The following AGPAT2 variants were observed in gnomAD, a reference collection of about 807,000 sequenced individuals.
AGPAT2 encodes the protein 1-acyl-sn-glycerol-3-phosphate acyltransferase beta.
In AGPAT2, 18 loss-of-function variants were observed where a neutral mutation model predicts 26.1. That is an observed-to-expected ratio of 0.69 (90% confidence interval 0.48 to 1.02). The LOEUF is 1.02. Among genes scored for constraint, AGPAT2 ranks in the 50% least tolerant of loss-of-function variants. The pLI, the probability that AGPAT2 is intolerant of heterozygous loss-of-function variation, is 0.00. For missense variants in AGPAT2, 415 were observed against 394.9 expected (o/e 1.05, Z -0.43); for synonymous variants, 200 against 174.2 (o/e 1.15, Z -1.16).
intron 1 of AGPAT2, among the ~76,000 whole-genome samples, chr9:136,680,699 T>C (rs925263380): frequency 2.6e-5 from 4 of 151,702 alleles, no homozygotes; most frequent in African/African-American, 9.7e-5. Flanking sequence ...TGAGACGGAG[T>C]CTTGCTGTCA....
intron 1 of AGPAT2, among the ~76,000 whole-genome samples, chr9:136,683,459 G>A (rs973145275): frequency 1.2e-4 from 19 of 152,180 alleles, no homozygotes; most frequent in African/African-American, 4.1e-4. Flanking sequence ...CTTCAGCTGC[G>A]TGAGCTCATT....
chr9:136,687,448 C>CGGCGG lies in AGPAT2; in HGVS notation c.-96_-92dup. 1 of 1,157,854 alleles carries CGGCGG rather than the reference C, an allele frequency of 8.6e-7. No individual in the cohort carries two copies. The highest frequency in any genetic ancestry group is 1.1e-6 in the Non-Finnish European group (1 of 897,238). 71.7% of individuals were successfully genotyped at this position (1,157,854 alleles called of 1,614,324 possible). On this transcript the variant is annotated 5_prime_UTR_variant, in exon 1 of 6. Transcript: ENST00000371696. ...GCGCTCAGGCCCCTTATTGCGAGGG[C>CGGCGG]GGCGGGGCTGGGCGGGGCGGGGCGC...
At position 136,677,409 on chromosome 9, in the gene AGPAT2, G is replaced by A; in HGVS notation, c.316+14C>T. On this transcript the variant is annotated intron_variant, in intron 2 of 5. Coordinates refer to ENST00000371696, the MANE Select transcript of AGPAT2 (RefSeq NM_006412.4). ...CACTCAAACCCCAGAAGCCACCCCC[G>A]AGGCCCGGCCTACCCATCATGTCCA... 6 of 1,613,096 alleles carry A rather than the reference G, an allele frequency of 3.7e-6. No homozygotes were observed. The highest frequency in any genetic ancestry group is 2.2e-5 in the South Asian group (2 of 91,076).
At chr9:136,678,633 G>A (rs2119188809) in intron 1 of AGPAT2, among the ~76,000 whole-genome samples, 1 of 152,274 alleles carries the variant, frequency 6.6e-6, no homozygotes, top group Middle Eastern at 3.4e-3. Flanking sequence ...AGTCCTAAGG[G>A]CCCCACACTT....
intron 3 of AGPAT2, 137 bp downstream of exon 3, chr9:136,676,824 G>T: frequency 7.9e-7 from 1 of 1,269,820 alleles, no homozygotes; most frequent in Non-Finnish European, 1.1e-6. Context: ...TAGGGGTCTG[G>T]CGTGGGACCC....
At chr9:136,676,205 C>A (rs1228663694) in intron 4 of AGPAT2, among the ~76,000 whole-genome samples, 1 of 152,170 alleles carries the variant, frequency 6.6e-6, no homozygotes, top group Non-Finnish European at 1.5e-5. Context: ...TTGTCCAGAC[C>A]CACTGCCCAT....
chr9:136,686,696 G>A (rs1846225595), intron 1 of AGPAT2, among the ~76,000 whole-genome samples: 1 of 152,178 alleles, frequency 6.6e-6, no homozygotes, highest in South Asian at 2.1e-4. Flanking sequence ...ATCACCGGGC[G>A]GACAGTCAGG....
intron 1 of AGPAT2, among the ~76,000 whole-genome samples, chr9:136,686,089 G>C (rs1460349970): frequency 6.6e-6 from 1 of 152,212 alleles, no homozygotes; most frequent in Non-Finnish European, 1.5e-5. Flanking sequence ...ATCAGGCCCA[G>C]GGTCCTCCTT....
intron 1 of AGPAT2, among the ~76,000 whole-genome samples, chr9:136,680,373 C>T (rs1001755560): frequency 3.9e-5 from 6 of 152,046 alleles, no homozygotes; most frequent in Non-Finnish European, 8.8e-5. Flanking sequence ...ATTACAGGTG[C>T]CTGCCACCAG....
rs1588270223 is a variant in AGPAT2 at position 136,687,313 on chromosome 9, C to T, written c.45G>A (p.Leu15=). ...CCGCGCGGCTCAGCTGCACCAGCAGCAGCAGCAACAGCAGCGCCGCGGCCA... is the reference window on the plus strand; with the variant it reads ...CCGCGCGGCTCAGCTGCACCAGCAGTAGCAGCAACAGCAGCGCCGCGGCCA... ...PCLAAALLLL[L]LLVQLSRAAE... The change falls in exon 1 of 6, where the codon CTG becomes CTA. Residue 15 remains leucine, a synonymous_variant. Coordinates refer to ENST00000371696, the MANE Select transcript of AGPAT2 (RefSeq NM_006412.4). 6.4e-7 allele frequency: 1 copy of T among 1,572,566 alleles called. No individual in the cohort carries two copies. The highest frequency in any genetic ancestry group is 8.6e-7 in the Non-Finnish European group (1 of 1,165,668).
Position 136,673,867 on chromosome 9 carries a change from A to ACGTCCGCCGCAGTGAGGC in AGPAT2, c.704_721dup (p.Gly235_Asp240dup). 6.2e-7 allele frequency: 1 copy of ACGTCCGCCGCAGTGAGGC among 1,604,470 alleles called. No individual in the cohort carries two copies. The highest frequency in any genetic ancestry group is 8.5e-7 in the Non-Finnish European group (1 of 1,177,144). On this transcript the variant is annotated inframe_insertion, in exon 6 of 6. Coordinates refer to ENST00000371696, the MANE Select transcript of AGPAT2 (RefSeq NM_006412.4). ...GTGGCAGGTGTCCACGAGCGCAGGG[A>ACGTCCGCCGCAGTGAGGC]CGTCCGCCGCAGTGAGGCCGCTGGT...
At position 136,673,828 on chromosome 9, in the gene AGPAT2, G is replaced by A. The variant is rs147616533; in HGVS notation, c.761C>T (p.Thr254Ile). Residue 254 changes from threonine (T) to isoleucine (I), a missense_variant, in exon 6 of 6, where the codon ACC (threonine) becomes ATC (isoleucine). Thr to Ile is a moderately conservative substitution (Grantham distance 89). Transcript: ENST00000371696. ...GGTCTTGGAGATGTGGAGGAAGGTG[G>A]TCCTCATGGCCCGGTGGCAGGTGTC... Reference protein sequence around the residue: ...LVDTCHRAMRTTFLHISKTPQ... With the variant: ...LVDTCHRAMRITFLHISKTPQ... 9.9e-5 allele frequency: 159 copies of A among 1,606,820 alleles called. No homozygotes were observed. In the African/African-American group the frequency reaches 1.9e-3, roughly 20 times the overall value.
intron 1 of AGPAT2, among the ~76,000 whole-genome samples, chr9:136,681,218 C>T (rs773760126): frequency 1.3e-5 from 2 of 151,932 alleles, no homozygotes; most frequent in South Asian, 2.1e-4. Context: ...GCTGAGCAGG[C>T]GCTGTGTCCC....
Position 136,673,452 on chromosome 9 carries a change from C to T in AGPAT2, c.*300G>A, listed in dbSNP as rs1846036380. On this transcript the variant is annotated 3_prime_UTR_variant, in exon 6 of 6. Transcript: ENST00000371696. ...CTGGGCCATCGGGGGCCTTGTGGCT[C>T]AGCCCACCAGCGGGCCACAGCCGCA... The T allele has an allele frequency of 3.4e-6, 1 of 290,922 alleles. No individual in the cohort carries two copies. The highest frequency in any genetic ancestry group is 5.8e-5 in the East Asian group (1 of 17,280). The allele number at this position is 290,922 out of a possible 1,614,324, so 18.0% of individuals were successfully genotyped here.
At chr9:136,685,126 G>T (rs1026072299) in intron 1 of AGPAT2, among the ~76,000 whole-genome samples, 1 of 152,216 alleles carries the variant, frequency 6.6e-6, no homozygotes, top group African/African-American at 2.4e-5. Flanking sequence ...AGACTGCCCT[G>T]CCCTCTGGCC....
chr9:136,673,907 G>C lies in AGPAT2; in HGVS notation c.682C>G (p.Leu228Val). The change falls in exon 6 of 6, where the codon CTG becomes GTG. Residue 228 changes from leucine to valine, a missense_variant. Transcript: ENST00000371696. ...AGGCCGCTGGTGGGGATGGCTTCCA[G>C]CACCTGCACTGTGACTGTTCCTGTG... ...FTSGTVTVQV[L>V]EAIPTSGLTA... is the part of the protein sequence containing the mutation. The C allele has an allele frequency of 1.9e-6, 3 of 1,589,280 alleles. No individual in the cohort carries two copies. The highest frequency in any genetic ancestry group is 2.6e-6 in the Non-Finnish European group (3 of 1,168,404).
Position 136,687,403 on chromosome 9 carries a change from C to A in AGPAT2, c.-46G>T. 1 of 1,393,452 alleles carries A rather than the reference C, an allele frequency of 7.2e-7. No individual in the cohort carries two copies. The highest frequency in any genetic ancestry group is 9.3e-7 in the Non-Finnish European group (1 of 1,078,806). The allele number at this position is 1,393,452 out of a possible 1,614,324, so 86.3% of individuals were successfully genotyped here. A position where few individuals can be genotyped will look rare whatever the true frequency, so the allele number is the denominator to read the frequency against. On this transcript the variant is annotated 5_prime_UTR_variant, in exon 1 of 6. Transcript: ENST00000371696. ...GGCGCCGCCAGCTCGCTCCCGCTCC[C>A]GCTCCCGCTTCTCCCCCGCGCGCTC...
At chr9:136,674,498 C>A (rs532841763) in intron 5 of AGPAT2, among the ~76,000 whole-genome samples, 1 of 152,260 alleles carries the variant, frequency 6.6e-6, no homozygotes, top group Non-Finnish European at 1.5e-5. Flanking sequence ...CGTGTGAAGT[C>A]TCTTGGAGCC....
chr9:136,673,594 G>A lies in AGPAT2; in HGVS notation c.*158C>T. The A allele has an allele frequency of 1.2e-6, 1 of 826,708 alleles. No individual in the cohort carries two copies. 51.2% of individuals were successfully genotyped at this position (826,708 alleles called of 1,614,324 possible). A position where few individuals can be genotyped will look rare whatever the true frequency, so the allele number is the denominator to read the frequency against. Reference sequence around the variant, plus strand: ...GGGGACACCAGGGGCCTGTGTCTGAGGCCAGTGACAGAAGGGGCTTCCTGC... The same window carrying A: ...GGGGACACCAGGGGCCTGTGTCTGAAGCCAGTGACAGAAGGGGCTTCCTGC... On this transcript the variant is annotated 3_prime_UTR_variant, in exon 6 of 6. Coordinates refer to ENST00000371696, the MANE Select transcript of AGPAT2 (RefSeq NM_006412.4).
Sources: gnomAD v4.1 joint callset for allele counts (sites outside exome capture counted in the v4.1 genomes callset) on GRCh38, gnomAD v4.1.1 for gene constraint, MANE v1.5 for transcripts, NCBI Gene and HGNC (gene_info 2026-07-23, HGNC 2026-07-21) for gene names.